The following TFB1M variants were observed in gnomAD, a reference collection of about 807,000 sequenced individuals.
TFB1M encodes dimethyladenosine transferase 1, mitochondrial.
Under a neutral mutation model 31.1 loss-of-function variants are expected in TFB1M, and 27 were observed. That is an observed-to-expected ratio of 0.87 (90% CI 0.64 to 1.20). TFB1M has a LOEUF of 1.20. Among genes scored for constraint, TFB1M ranks in the 50% most tolerant of loss-of-function variants. The probability of loss-of-function intolerance (pLI) is 0.00; values close to 1 mark genes in which losing one functional copy is unlikely to be tolerated. For synonymous variants in TFB1M, 166 were observed against 151.8 expected (o/e 1.09, Z -0.69); for missense variants, 394 against 418.7 (o/e 0.94, Z 0.51).
intron 5 of TFB1M, among the ~76,000 whole-genome samples, chr6:155,271,895 T>C (rs759799673): frequency 6.6e-6 from 1 of 152,152 alleles, no homozygotes; most frequent in Non-Finnish European, 1.5e-5. Context: ...TTTCAACAAA[T>C]CCTGTTGTAA....
chr6:155,249,729 C>T, the TFB1M span: 3 of 703,160 alleles, frequency 4.3e-6, no homozygotes, highest in South Asian at 2.1e-5. Flanking sequence ...GAATGTAATG[C>T]TCCTGCTAGT....
chr6:155,262,486 G>T (rs6924112), intron 5 of TFB1M, among the ~76,000 whole-genome samples: 1 of 151,756 alleles, frequency 6.6e-6, no homozygotes, highest in Admixed American at 6.5e-5. Context: ...CCTGCCTCCC[G>T]TTCTCCAGGA....
At chr6:155,242,614 A>G in the TFB1M span, among the ~76,000 whole-genome samples, 23 of 152,230 alleles carry the variant, frequency 1.5e-4, no homozygotes, top group Admixed American at 3.9e-4. Flanking sequence ...TTGGGAAGTG[A>G]GGGAGTTATT....
the TFB1M span, among the ~76,000 whole-genome samples, chr6:155,230,697 T>C: frequency 1.5e-4 from 23 of 152,290 alleles, no homozygotes; most frequent in African/African-American, 5.1e-4. Flanking sequence ...AGCCAAAAGA[T>C]TAAAATAACT....
chr6:155,314,377 T>C lies in TFB1M; in HGVS notation c.52A>G (p.Ile18Val), dbSNP rs1226238677. The C allele has an allele frequency of 6.2e-7, 1 of 1,614,234 alleles. No individual in the cohort carries two copies. Among genetic ancestry groups the C allele is most frequent in the Non-Finnish European group, 8.5e-7 (1 of 1,180,032 alleles). The part of the protein sequence containing the change: ...STCRLPPLPT[I>V]REIIKLLRLQ... ...CTTAACAACTTAATGATTTCTCGAATCGTGGGCAACGGAGGGAGACGGCAA... is the reference window on the plus strand; with the variant it reads ...CTTAACAACTTAATGATTTCTCGAACCGTGGGCAACGGAGGGAGACGGCAA... The change falls in exon 1 of 7, where the codon ATT (isoleucine) becomes GTT (valine). Residue 18 changes from isoleucine (I) to valine (V), a missense_variant. Transcript: ENST00000367166.
intron 5 of TFB1M, among the ~76,000 whole-genome samples, chr6:155,264,669 C>G (rs1272885313): frequency 2.0e-5 from 3 of 152,014 alleles, no homozygotes; most frequent in African/African-American, 7.2e-5. Context: ...AAAAAAAGAA[C>G]AGATTTTAAA....
At chr6:155,280,391 C>T (rs1785441137) in intron 5 of TFB1M, among the ~76,000 whole-genome samples, 1 of 152,180 alleles carries the variant, frequency 6.6e-6, no homozygotes, top group Admixed American at 6.5e-5. Flanking sequence ...TTCCAATAAG[C>T]TGGTCCCTTG....
At chr6:155,258,447 G>T (rs1417298596) in intron 6 of TFB1M, among the ~76,000 whole-genome samples, 1 of 152,152 alleles carries the variant, frequency 6.6e-6, no homozygotes. Context: ...ATTATTTCTT[G>T]TGTGACAAAT....
downstream of TFB1M, chr6:155,253,991 T>C: frequency 6.2e-7 from 1 of 1,613,608 alleles, no homozygotes; most frequent in Non-Finnish European, 8.5e-7. Context: ...AATAATTCCA[T>C]ATGGGAACTG....
chr6:155,306,267 C>CG (rs1777758122), intron 2 of TFB1M, among the ~76,000 whole-genome samples: 1 of 152,094 alleles, frequency 6.6e-6, no homozygotes, highest in Admixed American at 6.5e-5. Flanking sequence ...TAATATGGCA[C>CG]AGTCATCTTA....
Position 155,310,770 on chromosome 6 carries a change from T to C in TFB1M, c.285+418A>G, listed in dbSNP as rs1415953996. On this transcript the variant is annotated intron_variant, in intron 2 of 6. Transcript: ENST00000367166. ...GACAAACGTGCATATGTCTTACTCA[T>C]CTTTTGTTTGTGGAAATGCTTTTTG... 1.6e-5 allele frequency: 3 copies of C among 193,010 alleles called. No homozygotes were observed. In the East Asian group the frequency reaches 3.8e-4, roughly 24 times the overall value. The allele number at this position is 193,010 out of a possible 1,614,324, so 12.0% of individuals were successfully genotyped here. A position where few individuals can be genotyped will look rare whatever the true frequency, so the allele number is the denominator to read the frequency against.
intron 5 of TFB1M, among the ~76,000 whole-genome samples, chr6:155,281,520 G>T (rs1175648753): frequency 6.6e-6 from 1 of 152,066 alleles, no homozygotes; most frequent in Non-Finnish European, 1.5e-5. Context: ...CCAGGAGTTC[G>T]AGACCAGCTT....
intron 2 of TFB1M, among the ~76,000 whole-genome samples, chr6:155,300,965 T>C (rs895284833): frequency 6.6e-6 from 1 of 151,784 alleles, no homozygotes; most frequent in African/African-American, 2.4e-5. Flanking sequence ...CTACCACACC[T>C]GGCTAATTTT....
the TFB1M span, among the ~76,000 whole-genome samples, chr6:155,243,846 CAAAAAAAAAAAAAAAAAAAAA>C: frequency 1.8e-5 from 1 of 55,024 alleles, no homozygotes; most frequent in African/African-American, 8.1e-5. Context: ...GACTCCGTCT[CAAAAAAAAAAAAAAAAAAAAA>C]AAAAAAAAAA....
intron 4 of TFB1M, among the ~76,000 whole-genome samples, chr6:155,286,559 A>ATATG (rs1484877785): frequency 6.8e-6 from 1 of 147,876 alleles, no homozygotes; most frequent in Non-Finnish European, 1.5e-5. Flanking sequence ...GTGTGTATAT[A>ATATG]TATGTATATA....
At chr6:155,301,851 T>C (rs1777443545) in intron 2 of TFB1M, among the ~76,000 whole-genome samples, 1 of 152,236 alleles carries the variant, frequency 6.6e-6, no homozygotes, top group Admixed American at 6.5e-5. Context: ...TAATTTTTGC[T>C]TTTCAATAGT....
At chr6:155,252,459 AC>A (rs1783722856), downstream of TFB1M, among the ~76,000 whole-genome samples, 1 of 152,188 alleles carries the variant, frequency 6.6e-6, no homozygotes, top group African/African-American at 2.4e-5. Flanking sequence ...ACAGAGTGAG[AC>A]CCTGTCAATA....
chr6:155,254,506 A>C, downstream of TFB1M: 1 of 1,614,162 alleles, frequency 6.2e-7, no homozygotes, highest in Non-Finnish European at 8.5e-7. Context: ...GTGAATTACC[A>C]CTGGAGAAAA....
intron 1 of TFB1M, among the ~76,000 whole-genome samples, chr6:155,311,962 T>C (rs1778033789): frequency 6.6e-6 from 1 of 152,170 alleles, no homozygotes; most frequent in South Asian, 2.1e-4. Context: ...TGCATGTTAA[T>C]ACAGAAAAAT....
Sources: allele counts gnomAD v4.1 joint callset (sites outside exome capture counted in the v4.1 genomes callset), GRCh38; gene constraint gnomAD v4.1.1; transcripts MANE v1.5; gene names NCBI Gene and HGNC (gene_info 2026-07-23, HGNC 2026-07-21).